EARS2: variants seen among roughly 807,000 people sequenced by gnomAD.
The protein encoded by EARS2 is nondiscriminating glutamyl-tRNA synthetase EARS2, mitochondrial.
Under a neutral mutation model 54.1 loss-of-function variants are expected in EARS2, and 50 were observed. The observed-to-expected ratio is 0.92, with a 90% CI of 0.74 to 1.17. The LOEUF (loss-of-function observed/expected upper bound fraction) is 1.17, where lower values mean the gene tolerates loss of function less well. EARS2 is among the 50% of genes most tolerant of loss of function. The pLI, the probability that EARS2 is intolerant of heterozygous loss-of-function variation, is 0.00. For synonymous variants in EARS2, 298 were observed against 281.0 expected, an observed-to-expected ratio of 1.06 and a Z score of -0.61; for missense variants, 673 against 675.0, an observed-to-expected ratio of 1.00 and a Z score of 0.03.
rs1965392676 is a variant in EARS2 at position 23,535,112 on chromosome 16, A to G, written c.734T>C (p.Leu245Pro). The G allele has an allele frequency of 1.5e-5, 24 of 1,611,482 alleles. No individual in the cohort carries two copies. The highest frequency in any genetic ancestry group is 2.0e-5 in the Non-Finnish European group (24 of 1,179,172). The change falls in exon 4 of 9, where the codon CTG becomes CCG. Residue 245 changes from leucine (L) to proline (P), a missense_variant. Leu to Pro is a moderately conservative substitution (Grantham distance 98, BLOSUM62 -3). Coordinates refer to ENST00000449606, the MANE Select transcript of EARS2 (RefSeq NM_001083614.2). ...DDHHMGISHV[L>P]RGSEWLVSTA... ...GGAGACGAGCCACTCAGAGCCTCGC[A>G]GCACGTGGCTGATGCCCATGTGGTG...
rs375037415 is a variant in EARS2 at position 23,541,945 on chromosome 16, G to A, written c.485+2569C>T. Among the ~76,000 whole-genome samples the A allele has an allele frequency of 4.6e-5, 7 of 150,964 alleles. No individual in the cohort carries two copies. The East Asian group carries it at 7.8e-4, about 17-fold the overall frequency. On this transcript the variant is annotated intron_variant, in intron 3 of 8. Transcript: ENST00000449606. ...ATGATCTCAGCTCACTGCAACCTTCGCCTCCCAGGTTCAAATTATTCTCCC... is the reference window on the plus strand; with the variant it reads ...ATGATCTCAGCTCACTGCAACCTTCACCTCCCAGGTTCAAATTATTCTCCC...
intron 5 of EARS2, 58 bp from the exon 6 acceptor site, chr16:23,529,955 C>T (rs1478385242): frequency 6.3e-6 from 10 of 1,592,014 alleles, no homozygotes; most frequent in Non-Finnish European, 8.6e-6. Context: ...CCCAAACCGT[C>T]TCTCCCCCAG....
intron 2 of EARS2, among the ~76,000 whole-genome samples, chr16:23,551,068 C>A (rs1965687537): frequency 6.6e-6 from 1 of 152,178 alleles, no homozygotes; most frequent in Non-Finnish European, 1.5e-5. Context: ...AATCTGAGCC[C>A]AGATTTAATA....
At chr16:23,544,900 G>A (rs941648061) in intron 2 of EARS2, 197 bp from the exon 3 acceptor site, 2 of 496,452 alleles carry the variant, frequency 4.0e-6, no homozygotes, top group African/African-American at 2.0e-5. Context: ...GGAGTGCAGT[G>A]GTGCAATCTT....
In EARS2 at chr16:23,529,843, C is replaced by A. The variant is rs36008428; in HGVS notation, c.1122G>T (p.Gly374=). The change falls in exon 6 of 9, where the codon GGG becomes GGT. Residue 374 remains glycine (G), a synonymous_variant. Transcript: ENST00000449606. ...CCTCCTCCACAAGGACCTGCAGCTT[C>A]CCCACCAGCTGGCGCCTCTGGCTCT... is the stretch of plus-strand genomic sequence containing the variant. ...SNESQRRQLV[G]KLQVLVEEAF... 1 of 1,614,182 alleles carries A rather than the reference C, an allele frequency of 6.2e-7. No homozygotes were observed. The highest frequency in any genetic ancestry group is 1.7e-5 in the Admixed American group (1 of 60,016).
intron 1 of EARS2, among the ~76,000 whole-genome samples, chr16:23,554,332 C>T (rs1208662097): frequency 1.3e-5 from 2 of 152,158 alleles, no homozygotes; most frequent in Non-Finnish European, 2.9e-5. Flanking sequence ...GATTTTCACC[C>T]TAATTGCTGG....
At chr16:23,555,791 C>T (rs937937273) in intron 1 of EARS2, among the ~76,000 whole-genome samples, 1 of 152,210 alleles carries the variant, frequency 6.6e-6, no homozygotes, top group African/African-American at 2.4e-5. Context: ...TGGGTTCAAA[C>T]GATTTTCAGC....
chr16:23,544,778 C>T, intron 2 of EARS2, 75 bp from the exon 3 acceptor site: 1 of 1,300,008 alleles, frequency 7.7e-7, no homozygotes, highest in Non-Finnish European at 1.0e-6. Flanking sequence ...GCACTTTATG[C>T]ACATATTAAA....
chr16:23,557,032 T>A, intron 1 of EARS2, 173 bp downstream of exon 1: 1 of 1,005,952 alleles, frequency 9.9e-7, no homozygotes. Context: ...GCAATTTGAA[T>A]TATTTCCGCT....
chr16:23,543,266 A>T (rs571204533), intron 3 of EARS2, among the ~76,000 whole-genome samples: 86 of 147,458 alleles, frequency 5.8e-4, no homozygotes, highest in African/African-American at 2.0e-3. Context: ...TGAAAAGTTT[A>T]AAAAAAAAAA....
At chr16:23,556,909 A>G (rs890081366) in intron 1 of EARS2, 2 of 632,212 alleles carry the variant, frequency 3.2e-6, no homozygotes, top group Admixed American at 2.1e-5. Context: ...TGATCACTGT[A>G]TCCCAGCGTC....
At chr16:23,555,311 C>G (rs1208413889) in intron 1 of EARS2, among the ~76,000 whole-genome samples, 1 of 152,092 alleles carries the variant, frequency 6.6e-6, no homozygotes, top group Non-Finnish European at 1.5e-5. Flanking sequence ...CATGGCAAAA[C>G]CCCATCTCTA....
At chr16:23,538,316 T>G (rs968049574) in intron 3 of EARS2, among the ~76,000 whole-genome samples, 3 of 151,880 alleles carry the variant, frequency 2.0e-5, no homozygotes, top group Admixed American at 6.6e-5. Flanking sequence ...CCCAGCTAAT[T>G]TCAGCAGAGA....
rs559473934 is a variant in EARS2 at position 23,552,615 on chromosome 16, G to A, written c.140-311C>T. 2.7e-4 allele frequency among the ~76,000 whole-genome samples: 41 copies of A among 152,288 alleles called. 1 individual carries two copies. In the South Asian group the frequency reaches 6.4e-3, roughly 24 times the overall value. The stretch of plus-strand genomic sequence containing the variant: ...AAGCAATTCTCATGCCCAGCCTCCC[G>A]AGTAGCTGGGATTACAGGTGTGTGC... On this transcript the variant is annotated intron_variant, in intron 1 of 8. Coordinates refer to ENST00000449606, the MANE Select transcript of EARS2 (RefSeq NM_001083614.2).
At chr16:23,535,531 G>A in intron 3 of EARS2, 171 bp from the exon 4 acceptor site, 1 of 626,448 alleles carries the variant, frequency 1.6e-6, no homozygotes, top group Non-Finnish European at 2.8e-6. Flanking sequence ...AGATAACATG[G>A]TGTAGCAGAC....
At chr16:23,547,306 G>A (rs958202458) in intron 2 of EARS2, among the ~76,000 whole-genome samples, 4 of 152,170 alleles carry the variant, frequency 2.6e-5, no homozygotes, top group African/African-American at 9.7e-5. Flanking sequence ...GCAAATCCAT[G>A]GAGGCAGAAA....
intron 1 of EARS2, among the ~76,000 whole-genome samples, chr16:23,555,903 T>C (rs1038700530): frequency 1.3e-5 from 2 of 152,230 alleles, no homozygotes; most frequent in African/African-American, 4.8e-5. Flanking sequence ...GAAACTTACA[T>C]AGCAATCTGG....
At chr16:23,545,965 G>A (rs1438772791) in intron 2 of EARS2, among the ~76,000 whole-genome samples, 3 of 152,158 alleles carry the variant, frequency 2.0e-5, no homozygotes, top group African/African-American at 7.2e-5. Context: ...TGGGATTATA[G>A]GAATGTGCCA....
chr16:23,545,868 G>A (rs940617357), intron 2 of EARS2, among the ~76,000 whole-genome samples: 1 of 152,054 alleles, frequency 6.6e-6, no homozygotes, highest in South Asian at 2.1e-4. Flanking sequence ...TGTCACTCAG[G>A]CTAGGGTGCA....
Sources: gnomAD v4.1 joint callset for allele counts (sites outside exome capture counted in the v4.1 genomes callset) on GRCh38, gnomAD v4.1.1 for gene constraint, MANE v1.5 for transcripts, NCBI Gene and HGNC (gene_info 2026-07-23, HGNC 2026-07-21) for gene names.